The following VEGFC variants were observed in gnomAD, a reference collection of about 807,000 sequenced individuals.
VEGFC encodes vascular endothelial growth factor C, also known as FLT4 ligand DHM.
In VEGFC, 12 loss-of-function variants were observed where a neutral mutation model predicts 46.1. That is an observed-to-expected ratio of 0.26 (90% CI 0.17 to 0.42). The LOEUF (loss-of-function observed/expected upper bound fraction) is 0.42. VEGFC is among the 10% of genes least tolerant of loss of function. The pLI, the probability that VEGFC is intolerant of heterozygous loss-of-function variation, is 1.00. For synonymous variants in VEGFC, 232 were observed against 195.5 expected (o/e 1.19, Z -1.56); for missense variants, 488 against 529.4 (o/e 0.92, Z 0.77).
At chr4:176,732,656 T>C (rs1168092829) in intron 1 of VEGFC, among the ~76,000 whole-genome samples, 1 of 151,634 alleles carries the variant, frequency 6.6e-6, no homozygotes, top group Non-Finnish European at 1.5e-5. Context: ...AAACATTGCT[T>C]AGCTATTCAG....
chr4:176,729,522 C>T lies in VEGFC; in HGVS notation c.361+11G>A, dbSNP rs1169350618. On this transcript the variant is annotated intron_variant, in intron 2 of 6. Coordinates refer to ENST00000618562, the MANE Select transcript of VEGFC (RefSeq NM_005429.5). ...ATAAGGCTTACTATACATTTTATTT[C>T]CCATACTTACTTTTCAAGATCTCTG... The T allele has an allele frequency of 6.2e-7, 1 of 1,606,578 alleles. No individual in the cohort carries two copies.
Position 176,792,063 on chromosome 4 carries a change from C to T in VEGFC, c.147+102G>A. ...TCAGTAACTTTGGATCCCACGTACA[C>T]AAGCTTAAAGCACACACACTTTCCC... On this transcript the variant is annotated intron_variant, in intron 1 of 6. Transcript: ENST00000618562. The surrounding 1 kb of genome is among the most constrained non-coding windows in gnomAD (Gnocchi z 6.3). 3 of 1,348,130 alleles carry T rather than the reference C, an allele frequency of 2.2e-6. No homozygotes were observed. Among genetic ancestry groups the T allele is most frequent in the Non-Finnish European group, 1.9e-6 (2 of 1,041,720 alleles). The allele number at this position is 1,348,130 out of a possible 1,614,324, so 83.5% of individuals were successfully genotyped here.
rs1245481849 is a variant in VEGFC at position 176,727,755 on chromosome 4, T to C, written c.552+23A>G. On this transcript the variant is annotated intron_variant, in intron 3 of 6. Transcript: ENST00000618562. ...TTCTGATTAAGGGGGCTCTCGCAGG[T>C]AGCAGGAATGGGCAATACCCACCGT... The C allele has an allele frequency of 7.5e-6, 12 of 1,591,876 alleles. No individual in the cohort carries two copies. The African/African-American group carries it at 8.1e-5, about 11-fold the overall frequency.
At chr4:176,703,525 T>C (rs897927919) in intron 4 of VEGFC, among the ~76,000 whole-genome samples, 1 of 152,024 alleles carries the variant, frequency 6.6e-6, no homozygotes, top group Admixed American at 6.6e-5. Context: ...CATTCCAAAG[T>C]ACAGTTATAT....
intron 1 of VEGFC, among the ~76,000 whole-genome samples, chr4:176,786,967 T>C (rs573742033): frequency 4.3e-4 from 65 of 152,224 alleles, no homozygotes; most frequent in South Asian, 1.7e-3. Flanking sequence ...TCTCTGAACC[T>C]GGAATTTTTC....
At chr4:176,753,477 G>T (rs2110898306) in intron 1 of VEGFC, among the ~76,000 whole-genome samples, 1 of 152,070 alleles carries the variant, frequency 6.6e-6, no homozygotes, top group East Asian at 1.9e-4. Context: ...TTATTTCTGT[G>T]CCCCAAAGAA....
intron 4 of VEGFC, among the ~76,000 whole-genome samples, chr4:176,691,387 A>T (rs1032866376): frequency 2.6e-5 from 4 of 152,222 alleles, no homozygotes; most frequent in African/African-American, 9.6e-5. Context: ...CAAAGCAGGG[A>T]ATTGCACAAT....
At position 176,699,997 on chromosome 4, in the gene VEGFC, T is replaced by C. The variant is rs115179917; in HGVS notation, c.704+11502A>G. 7.5e-3 allele frequency among the ~76,000 whole-genome samples: 1,146 copies of C among 152,256 alleles called. 20 individuals carry two copies. Among genetic ancestry groups the C allele is most frequent in the African/African-American group, 0.026 (1,089 of 41,538 alleles). The stretch of plus-strand genomic sequence containing the variant: ...CTCACAGGGAGAACAGTGAACAGAG[T>C]TGGGGTTTGTTCAGATATTAAAGGA... On this transcript the variant is annotated intron_variant, in intron 4 of 6. Coordinates refer to ENST00000618562, the MANE Select transcript of VEGFC (RefSeq NM_005429.5).
chr4:176,699,911 T>C lies in VEGFC; in HGVS notation c.704+11588A>G, dbSNP rs113084013. ...TTCTGTTGTACTGATTTTTATTGAT[T>C]CTGCATGAACTTGTGTTAGCGTCTG... On this transcript the variant is annotated intron_variant, in intron 4 of 6. Coordinates refer to ENST00000618562, the MANE Select transcript of VEGFC (RefSeq NM_005429.5). Among the ~76,000 whole-genome samples, 586 of 152,356 alleles carry C rather than the reference T, an allele frequency of 3.8e-3. 1 individual carries two copies. Among genetic ancestry groups the C allele is most frequent in the South Asian group, 0.021 (99 of 4,826 alleles).
intron 3 of VEGFC, among the ~76,000 whole-genome samples, chr4:176,719,065 T>C (rs2111006677): frequency 6.6e-6 from 1 of 152,302 alleles, no homozygotes; most frequent in Non-Finnish European, 1.5e-5. Flanking sequence ...TCCATTAGTA[T>C]ACTTTGGAAT....
At chr4:176,704,157 C>T (rs972747891) in intron 4 of VEGFC, among the ~76,000 whole-genome samples, 1 of 152,052 alleles carries the variant, frequency 6.6e-6, no homozygotes, top group Admixed American at 6.6e-5. Context: ...TGTTGTTATT[C>T]CGATTGTTCT....
chr4:176,756,027 A>G (rs1735427521), intron 1 of VEGFC, among the ~76,000 whole-genome samples: 1 of 152,060 alleles, frequency 6.6e-6, no homozygotes, highest in South Asian at 2.1e-4. Flanking sequence ...AATGTGATGT[A>G]GACATCAAAG....
intron 1 of VEGFC, among the ~76,000 whole-genome samples, chr4:176,772,735 A>T (rs1433134379): frequency 6.6e-6 from 1 of 152,172 alleles, no homozygotes; most frequent in Non-Finnish European, 1.5e-5. Context: ...TGAGTTTGTT[A>T]TATAAAGTTC....
At position 176,792,172 on chromosome 4, in the gene VEGFC, T is replaced by A. The variant is rs55728985; in HGVS notation, c.140A>T (p.Glu47Val). ...DLSDAEPDAG[E>V]ATAYASKDLE... ...ACCCTAACGCAGACCTACCGTGGCC[T>A]CGCCCGCGTCGGGCTCCGCGTCCGA... The change falls in exon 1 of 7, where the codon GAG (glutamate) becomes GTG (valine). Residue 47 changes from glutamate (E) to valine (V), a missense_variant. Physicochemically the swap from Glu to Val is moderately radical, Grantham distance 121. Coordinates refer to ENST00000618562, the MANE Select transcript of VEGFC (RefSeq NM_005429.5). This position sits in a 1 kb window ranked among gnomAD's most constrained non-coding sequence, Gnocchi z 6.3. 6.3e-3 allele frequency: 9,537 copies of A among 1,510,508 alleles called. 55 individuals are homozygous for A. The highest frequency in any genetic ancestry group is 6.0e-3 in the Non-Finnish European group (6,851 of 1,133,764). 93.6% of individuals were successfully genotyped at this position (1,510,508 alleles called of 1,614,324 possible).
chr4:176,721,365 C>G (rs1162213363), intron 3 of VEGFC, among the ~76,000 whole-genome samples: 1 of 152,148 alleles, frequency 6.6e-6, no homozygotes, highest in Non-Finnish European at 1.5e-5. Context: ...AATGCTGGCT[C>G]CATCCCAATA....
chr4:176,775,162 A>C (rs1735794245), intron 1 of VEGFC, among the ~76,000 whole-genome samples: 1 of 152,220 alleles, frequency 6.6e-6, no homozygotes, highest in Admixed American at 6.5e-5. Flanking sequence ...AGTAACCTGC[A>C]GACAGAGGGC....
At position 176,792,451 on chromosome 4, in the gene VEGFC, G is replaced by T; in HGVS notation, c.-140C>A. ...GCGACCCCCCCTGGGCGAGCCGGAG[G>T]CGGCGGGAGCGGGTCCGGGGCTCCG... On this transcript the variant is annotated 5_prime_UTR_variant, in exon 1 of 7. Coordinates refer to ENST00000618562, the MANE Select transcript of VEGFC (RefSeq NM_005429.5). The surrounding 1 kb of genome is among the most constrained non-coding windows in gnomAD (Gnocchi z 6.3). The T allele has an allele frequency of 1.7e-6, 1 of 579,318 alleles. No individual in the cohort carries two copies. The highest frequency in any genetic ancestry group is 2.7e-6 in the Non-Finnish European group (1 of 377,136). The allele number at this position is 579,318 out of a possible 1,614,324, so 35.9% of individuals were successfully genotyped here. A position where few individuals can be genotyped will look rare whatever the true frequency, so the allele number is the denominator to read the frequency against.
intron 4 of VEGFC, among the ~76,000 whole-genome samples, chr4:176,704,707 T>C (rs1402573358): frequency 6.6e-6 from 1 of 152,198 alleles, no homozygotes; most frequent in Non-Finnish European, 1.5e-5. Context: ...GTTCTTTCTA[T>C]AATACAAAAC....
At chr4:176,764,742 G>A (rs946942726) in intron 1 of VEGFC, among the ~76,000 whole-genome samples, 5 of 152,132 alleles carry the variant, frequency 3.3e-5, no homozygotes, top group African/African-American at 9.7e-5. Flanking sequence ...TGATCTGTCT[G>A]CCTTTTGGCT....
Sources: allele counts gnomAD v4.1 joint callset (sites outside exome capture counted in the v4.1 genomes callset), GRCh38; gene constraint gnomAD v4.1.1; non-coding constraint Gnocchi (gnomAD v3.1); transcripts MANE v1.5; gene names NCBI Gene and HGNC (gene_info 2026-07-23, HGNC 2026-07-21).